Variants in PSD3 observed in about 807,000 individuals in gnomAD.
The protein encoded by PSD3 is PH and SEC7 domain-containing protein 3.
Under a neutral mutation model 105.5 loss-of-function variants are expected in PSD3, and 49 were observed. The observed-to-expected ratio is 0.46, with a 90% CI of 0.37 to 0.59. The LOEUF (loss-of-function observed/expected upper bound fraction) is 0.59, where lower values mean the gene tolerates loss of function less well. Among genes scored for constraint, PSD3 ranks in the 20% least tolerant of loss-of-function variants. The pLI is 0.00. For missense variants in PSD3, 1,561 were observed against 1,263.8 expected, an observed-to-expected ratio of 1.24 and a Z score of -3.57; for synonymous variants, 557 against 457.8, an observed-to-expected ratio of 1.22 and a Z score of -2.77.
intron 9 of PSD3, among the ~76,000 whole-genome samples, chr8:18,664,169 C>T (rs138844456): frequency 0.024 from 3,698 of 152,286 alleles, 115 homozygotes; most frequent in East Asian, 0.13. Context: ...GCATGTCTCT[C>T]ACTTTAAATC....
At chr8:18,908,125 G>A (rs370853892) in intron 2 of PSD3, among the ~76,000 whole-genome samples, 2 of 152,160 alleles carry the variant, frequency 1.3e-5, no homozygotes, top group East Asian at 1.9e-4. Context: ...ATAACCAGAT[G>A]TAGTTTCATC....
At position 18,712,780 on chromosome 8, in the gene PSD3, G is replaced by A. The variant is rs150687748; in HGVS notation, c.2172+52669C>T. On this transcript the variant is annotated intron_variant, in intron 9 of 15. Coordinates refer to ENST00000327040, the MANE Select transcript of PSD3 (RefSeq NM_015310.4). ...AAGGAAGAACTCCTCCCTTACTCGC[G>A]TTATGAGGCCAGCATCATCCTGATA... Among the ~76,000 whole-genome samples the A allele has an allele frequency of 1.8e-3, 273 of 152,178 alleles. 1 individual carries two copies. Among genetic ancestry groups the A allele is most frequent in the Non-Finnish European group, 3.3e-3 (223 of 68,000 alleles).
At chr8:18,544,454 C>T (rs573068413) in intron 15 of PSD3, among the ~76,000 whole-genome samples, 62 of 151,414 alleles carry the variant, frequency 4.1e-4, no homozygotes, top group Middle Eastern at 3.4e-3. Flanking sequence ...CCCTATGCTA[C>T]TCCCATGTCA....
At chr8:19,074,323 T>C (rs1829375219) in intron 1 of PSD3, among the ~76,000 whole-genome samples, 1 of 152,010 alleles carries the variant, frequency 6.6e-6, no homozygotes, top group African/African-American at 2.4e-5. Context: ...GCCTGGCACC[T>C]GGGAAGGGAA....
chr8:18,943,320 T>C (rs1246580848), intron 1 of PSD3, among the ~76,000 whole-genome samples: 1 of 152,186 alleles, frequency 6.6e-6, no homozygotes, highest in Non-Finnish European at 1.5e-5. Context: ...ATCACTGTTG[T>C]TTATTTCTGG....
At position 18,670,531 on chromosome 8, in the gene PSD3, C is replaced by T. The variant is rs149547809; in HGVS notation, c.2173-14846G>A. Among the ~76,000 whole-genome samples the T allele has an allele frequency of 3.6e-3, 552 of 151,998 alleles. 1 individual carries two copies. The highest frequency in any genetic ancestry group is 6.8e-3 in the Middle Eastern group (2 of 292). ...TGACTGGGATGAAGGCAGGCAGTGG[C>T]GGATTAGGGACGGATCAGGCTGTTT... On this transcript the variant is annotated intron_variant, in intron 9 of 15. Transcript: ENST00000327040.
intron 1 of PSD3, among the ~76,000 whole-genome samples, chr8:19,062,480 C>G (rs967042395): frequency 2.6e-5 from 4 of 152,094 alleles, no homozygotes. Context: ...AGCAAGAGAC[C>G]ACTGTTTCCC....
rs1799423370 is a variant in PSD3, at chr8:18,665,871, T to G, written c.2173-10186A>C. Among the ~76,000 whole-genome samples, 3 of 152,224 alleles carry G rather than the reference T, an allele frequency of 2.0e-5. No homozygotes were observed. The South Asian group carries it at 6.2e-4, about 32-fold the overall frequency. Reference sequence around the variant, plus strand: ...GTCTTAAAAAACAAACAAACAAAACTAATGATGCAGCAAGCTTAATTACTG... The same window carrying G: ...GTCTTAAAAAACAAACAAACAAAACGAATGATGCAGCAAGCTTAATTACTG... On this transcript the variant is annotated intron_variant, in intron 9 of 15. Coordinates refer to ENST00000327040, the MANE Select transcript of PSD3 (RefSeq NM_015310.4).
At chr8:18,616,628 C>CTTTTCTTTTTTTT (rs778581836) in intron 11 of PSD3, among the ~76,000 whole-genome samples, 2 of 126,776 alleles carry the variant, frequency 1.6e-5, no homozygotes, top group Admixed American at 1.7e-4. Flanking sequence ...CTTTTCTTTT[C>CTTTTCTTTTTTTT]TTTTTTTTTT....
chr8:18,614,504 A>C lies in PSD3; in HGVS notation c.2411-14070T>G, dbSNP rs35047939. Among the ~76,000 whole-genome samples, 134 of 152,208 alleles carry C rather than the reference A, an allele frequency of 8.8e-4. 3 individuals carry two copies. The East Asian group carries it at 0.022, about 25-fold the overall frequency. ...GAATAAAACTGTGGTCGATTATTCCAATAAGACATTGAATATGGGAATAAG... is the reference window on the plus strand; with the variant it reads ...GAATAAAACTGTGGTCGATTATTCCCATAAGACATTGAATATGGGAATAAG... On this transcript the variant is annotated intron_variant, in intron 11 of 15. Coordinates refer to ENST00000327040, the MANE Select transcript of PSD3 (RefSeq NM_015310.4).
At chr8:19,055,899 T>G (rs921555362) in intron 1 of PSD3, among the ~76,000 whole-genome samples, 3 of 152,232 alleles carry the variant, frequency 2.0e-5, no homozygotes, top group South Asian at 2.1e-4. Context: ...CACTCAGCCT[T>G]GCTGATGCAT....
intron 8 of PSD3, among the ~76,000 whole-genome samples, chr8:18,768,273 G>C (rs1807202646): frequency 1.3e-5 from 2 of 151,472 alleles, no homozygotes; most frequent in South Asian, 4.2e-4. Context: ...GCGACAGAGA[G>C]AGAGTCCAGT....
chr8:19,074,239 A>G (rs1829372334), intron 1 of PSD3, among the ~76,000 whole-genome samples: 1 of 152,118 alleles, frequency 6.6e-6, no homozygotes, highest in Non-Finnish European at 1.5e-5. Context: ...GATCGAGTTT[A>G]CAGAACCCAT....
At chr8:19,073,903 G>A (rs1019096400) in intron 1 of PSD3, among the ~76,000 whole-genome samples, 1 of 151,420 alleles carries the variant, frequency 6.6e-6, no homozygotes, top group Non-Finnish European at 1.5e-5. Context: ...CCATTCTGCC[G>A]CCTCAGCTTC....
At chr8:18,933,502 C>G (rs34273400) in intron 2 of PSD3, among the ~76,000 whole-genome samples, 16,732 of 152,192 alleles carry the variant, frequency 0.11, 1,007 homozygotes, top group Middle Eastern at 0.24. Context: ...GAGTCTCACT[C>G]AGTCATCCAG....
intron 11 of PSD3, among the ~76,000 whole-genome samples, chr8:18,620,305 G>T (rs1008578854): frequency 6.7e-6 from 1 of 148,538 alleles, no homozygotes; most frequent in Admixed American, 6.7e-5. Context: ...TAACCTGACT[G>T]TCTCGGGACT....
intron 10 of PSD3, among the ~76,000 whole-genome samples, chr8:18,635,633 C>T (rs1807194962): frequency 6.6e-6 from 1 of 151,950 alleles, no homozygotes; most frequent in African/African-American, 2.4e-5. Context: ...TGGAACCAAC[C>T]CAAATGCCCA....
At chr8:18,949,244 A>AAAAAAAAATATATAT (rs1345423514) in intron 1 of PSD3, among the ~76,000 whole-genome samples, 5 of 14,408 alleles carry the variant, frequency 3.5e-4, no homozygotes, top group Non-Finnish European at 5.4e-4. Flanking sequence ...AAAAAAAAAA[A>AAAAAAAAATATATAT]ATATATATAT....
intron 9 of PSD3, among the ~76,000 whole-genome samples, chr8:18,697,300 C>T (rs561070565): frequency 5.9e-5 from 9 of 152,062 alleles, no homozygotes; most frequent in South Asian, 2.1e-4. Flanking sequence ...TAGGAAACAA[C>T]GGGCTAAGAA....
Sources: allele counts gnomAD v4.1 joint callset (sites outside exome capture counted in the v4.1 genomes callset), GRCh38; gene constraint gnomAD v4.1.1; transcripts MANE v1.5; gene names NCBI Gene and HGNC (gene_info 2026-07-23, HGNC 2026-07-21).